The following TMEM117 variants were observed in gnomAD, a reference collection of about 807,000 sequenced individuals.
The protein encoded by TMEM117 is transmembrane protein 117.
Under a neutral mutation model 52.4 loss-of-function variants are expected in TMEM117, and 27 were observed. The observed-to-expected ratio is 0.51, with a 90% CI of 0.38 to 0.71. The LOEUF (loss-of-function observed/expected upper bound fraction) is 0.71. TMEM117 is among the 30% of genes least tolerant of loss of function. The pLI is 0.00. For synonymous variants in TMEM117, 215 were observed against 206.3 expected, an observed-to-expected ratio of 1.04 and a Z score of -0.36; for missense variants, 556 against 630.5, an observed-to-expected ratio of 0.88 and a Z score of 1.26.
intron 5 of TMEM117, among the ~76,000 whole-genome samples, chr12:44,299,097 G>T (rs1488578163): frequency 1.4e-5 from 2 of 147,404 alleles, no homozygotes; most frequent in African/African-American, 5.3e-5. Context: ...AATGTTCTTT[G>T]GGGAAAACTG....
intron 3 of TMEM117, among the ~76,000 whole-genome samples, chr12:44,032,454 G>A (rs989169448): frequency 1.3e-5 from 2 of 152,162 alleles, no homozygotes; most frequent in South Asian, 2.1e-4. Flanking sequence ...CAAGAGAGAT[G>A]GGTAATGTAA....
chr12:43,865,903 A>G (rs1365373592), intron 2 of TMEM117, among the ~76,000 whole-genome samples: 1 of 151,846 alleles, frequency 6.6e-6, no homozygotes, highest in Non-Finnish European at 1.5e-5. Flanking sequence ...GGAAGATAAT[A>G]AAACAATGTA....
chr12:43,881,954 C>T (rs906166503), intron 2 of TMEM117, among the ~76,000 whole-genome samples: 1 of 151,870 alleles, frequency 6.6e-6, no homozygotes, highest in African/African-American at 2.4e-5. Flanking sequence ...CGCCTGTAGT[C>T]CCAGCTACTC....
chr12:43,822,693 A>G, the TMEM117 span, among the ~76,000 whole-genome samples: 1 of 152,234 alleles, frequency 6.6e-6, no homozygotes, highest in South Asian at 2.1e-4. Flanking sequence ...CTCCTATAGT[A>G]GACAGTAAAT....
intron 2 of TMEM117, among the ~76,000 whole-genome samples, chr12:43,850,406 C>T (rs1943286358): frequency 1.3e-5 from 2 of 152,194 alleles, no homozygotes; most frequent in South Asian, 4.1e-4. Flanking sequence ...CTACTTCTTC[C>T]TCACTCCAAA....
chr12:44,237,979 C>T (rs1950018668), intron 5 of TMEM117, among the ~76,000 whole-genome samples: 1 of 152,018 alleles, frequency 6.6e-6, no homozygotes, highest in African/African-American at 2.4e-5. Context: ...GACATTTATT[C>T]AGCACTGCTG....
At chr12:44,245,923 C>G (rs116441565) in intron 5 of TMEM117, among the ~76,000 whole-genome samples, 1,749 of 152,132 alleles carry the variant, frequency 0.011, 22 homozygotes, top group South Asian at 0.052. Context: ...TACATAGCAT[C>G]AAAATAACTC....
intron 3 of TMEM117, among the ~76,000 whole-genome samples, chr12:44,069,872 TTTGTTG>T (rs539075054): frequency 1.3e-5 from 2 of 152,066 alleles, no homozygotes; most frequent in Admixed American, 1.3e-4. Flanking sequence ...TTCAGGCTCT[TTTGTTG>T]TTGTTGTTGT....
chr12:43,806,208 C>A, the TMEM117 span: 37 of 1,540,054 alleles, frequency 2.4e-5, no homozygotes, highest in African/African-American at 5.6e-5. Context: ...CGAGTCGCGC[C>A]GGGCGCTGTT....
intron 5 of TMEM117, among the ~76,000 whole-genome samples, chr12:44,272,863 A>G (rs1232549288): frequency 6.6e-6 from 1 of 152,182 alleles, no homozygotes; most frequent in Admixed American, 6.5e-5. Flanking sequence ...CAGCCATCCC[A>G]TTACTGGGTA....
chr12:43,965,362 G>C lies in TMEM117; in HGVS notation c.410+21020G>C, dbSNP rs150557981. Among the ~76,000 whole-genome samples the C allele has an allele frequency of 3.9e-3, 598 of 152,312 alleles. 4 individuals carry two copies. The highest frequency in any genetic ancestry group is 0.013 in the African/African-American group (552 of 41,576). On this transcript the variant is annotated intron_variant, in intron 3 of 7. Transcript: ENST00000266534. The stretch of plus-strand genomic sequence containing the variant: ...AGTCAGGGTAGACAGTAAGTCATGT[G>C]ATTGTATATCTCTATGAGGTCTTCC...
intron 4 of TMEM117, among the ~76,000 whole-genome samples, chr12:44,174,109 C>A (rs934527558): frequency 2.0e-5 from 3 of 151,960 alleles, no homozygotes; most frequent in Non-Finnish European, 2.9e-5. Context: ...ATTTGGAGAA[C>A]CCCAGATTTC....
Position 43,886,031 on chromosome 12 carries a change from G to A in TMEM117, c.277+41103G>A, listed in dbSNP as rs144943969. On this transcript the variant is annotated intron_variant, in intron 2 of 7. Transcript: ENST00000266534. ...GAGATAAAGGCAGTCAGCATGACATGGGGGAACCTTGTGTATCATATTATA... is the reference window on the plus strand; with the variant it reads ...GAGATAAAGGCAGTCAGCATGACATAGGGGAACCTTGTGTATCATATTATA... Among the ~76,000 whole-genome samples, 690 of 152,296 alleles carry A rather than the reference G, an allele frequency of 4.5e-3. 7 individuals are homozygous for A. The highest frequency in any genetic ancestry group is 0.016 in the African/African-American group (645 of 41,558).
Position 44,049,440 on chromosome 12 carries a change from A to G in TMEM117, c.411-94085A>G, listed in dbSNP as rs868072606. Among the ~76,000 whole-genome samples, 11 of 152,068 alleles carry G rather than the reference A, an allele frequency of 7.2e-5. No homozygotes were observed. The South Asian group carries it at 1.9e-3, about 26-fold the overall frequency. On this transcript the variant is annotated intron_variant, in intron 3 of 7. Coordinates refer to ENST00000266534, the MANE Select transcript of TMEM117 (RefSeq NM_032256.3). ...GGGTGGTGGGGGGCGAGGGGAAGGA[A>G]CTTAGAGGATGGGTCAATAGGTACT... is the stretch of plus-strand genomic sequence containing the variant.
intron 4 of TMEM117, among the ~76,000 whole-genome samples, chr12:44,151,249 A>C (rs1185659223): frequency 6.6e-6 from 1 of 151,358 alleles, no homozygotes; most frequent in Non-Finnish European, 1.5e-5. Context: ...TATTTCTATT[A>C]CTTAGTTTAT....
At chr12:44,353,321 T>C (rs1337306414) in intron 6 of TMEM117, among the ~76,000 whole-genome samples, 1 of 152,196 alleles carries the variant, frequency 6.6e-6, no homozygotes, top group African/African-American at 2.4e-5. Flanking sequence ...TTTGTCAATT[T>C]TGTCTTTGGT....
intron 4 of TMEM117, among the ~76,000 whole-genome samples, chr12:44,154,000 T>C (rs1253956531): frequency 6.6e-6 from 1 of 152,078 alleles, no homozygotes; most frequent in Non-Finnish European, 1.5e-5. Context: ...ATTCTTCTCT[T>C]ATATATCTGA....
intron 5 of TMEM117, among the ~76,000 whole-genome samples, chr12:44,243,152 T>C (rs1462496295): frequency 6.6e-6 from 1 of 152,042 alleles, no homozygotes; most frequent in East Asian, 1.9e-4. Flanking sequence ...ATGCTAGATA[T>C]TATACCTTTG....
intron 3 of TMEM117, among the ~76,000 whole-genome samples, chr12:44,023,048 A>G (rs1355748712): frequency 6.6e-6 from 1 of 152,170 alleles, no homozygotes; most frequent in South Asian, 2.1e-4. Flanking sequence ...CTTAACAGAA[A>G]AAAGCAAAGA....
Sources: gnomAD v4.1 joint callset for allele counts (sites outside exome capture counted in the v4.1 genomes callset) on GRCh38, gnomAD v4.1.1 for gene constraint, MANE v1.5 for transcripts, NCBI Gene and HGNC (gene_info 2026-07-23, HGNC 2026-07-21) for gene names.